Variants in GALNTL6 observed in about 807,000 individuals in gnomAD.
GALNTL6 encodes polypeptide N-acetylgalactosaminyltransferase-like 6.
In GALNTL6, 46 loss-of-function variants were observed where a neutral mutation model predicts 73.7. The ratio of observed to expected loss-of-function variants is 0.62; its 90% CI spans 0.49 to 0.80. The LOEUF (loss-of-function observed/expected upper bound fraction) is 0.80. Among genes scored for constraint, GALNTL6 ranks in the 30% least tolerant of loss-of-function variants. The pLI, the probability that GALNTL6 is intolerant of heterozygous loss-of-function variation, is 0.00. For synonymous variants in GALNTL6, 259 were observed against 263.7 expected (o/e 0.98, Z 0.17); for missense variants, 604 against 755.0 (o/e 0.80, Z 2.34).
intron 5 of GALNTL6, among the ~76,000 whole-genome samples, chr4:172,646,476 T>C (rs948518887): frequency 6.6e-6 from 1 of 152,114 alleles, no homozygotes; most frequent in African/African-American, 2.4e-5. Context: ...ATGTTGTTTT[T>C]ATTTTCTATT....
intron 5 of GALNTL6, among the ~76,000 whole-genome samples, chr4:172,656,652 A>C (rs533973449): frequency 1.3e-5 from 2 of 152,354 alleles, no homozygotes; most frequent in South Asian, 4.1e-4. Flanking sequence ...CTTAGTTCAG[A>C]TGGGCCACTA....
intron 5 of GALNTL6, among the ~76,000 whole-genome samples, chr4:172,553,986 TC>T (rs1427158895): frequency 6.6e-6 from 1 of 151,964 alleles, no homozygotes; most frequent in Non-Finnish European, 1.5e-5. Context: ...TATGATTGGA[TC>T]CCTGCACTCC....
At chr4:171,958,240 C>T (rs185219188) in intron 2 of GALNTL6, among the ~76,000 whole-genome samples, 1 of 152,174 alleles carries the variant, frequency 6.6e-6, no homozygotes, top group African/African-American at 2.4e-5. Flanking sequence ...TGTGTGATAT[C>T]CACAGATATT....
chr4:172,045,950 C>G (rs1313544979), intron 2 of GALNTL6, among the ~76,000 whole-genome samples: 3 of 151,966 alleles, frequency 2.0e-5, no homozygotes, highest in Non-Finnish European at 4.4e-5. Context: ...CTTGTGCTGT[C>G]TGTCTTATTG....
chr4:172,707,609 T>C (rs562923606), intron 5 of GALNTL6, among the ~76,000 whole-genome samples: 2 of 152,318 alleles, frequency 1.3e-5, no homozygotes, highest in South Asian at 4.1e-4. Flanking sequence ...AAAATTATTC[T>C]GCATTTGTTA....
chr4:172,622,318 G>A lies in GALNTL6; in HGVS notation c.554-187043G>A, dbSNP rs545195062. ...GATCTCATTTGATGCCCAACACAAT[G>A]GATAAAAGTAGACCCACTCCAAGAC... is the stretch of plus-strand genomic sequence containing the variant. On this transcript the variant is annotated intron_variant, in intron 5 of 12. Coordinates refer to ENST00000506823, the MANE Select transcript of GALNTL6 (RefSeq NM_001034845.3). 1.0e-3 allele frequency among the ~76,000 whole-genome samples: 156 copies of A among 151,996 alleles called. 1 individual carries two copies. The South Asian group carries it at 0.021, about 20-fold the overall frequency.
In GALNTL6 at chr4:172,674,392, A is replaced by G. The variant is rs150444760; in HGVS notation, c.554-134969A>G. 7.2e-4 allele frequency among the ~76,000 whole-genome samples: 109 copies of G among 152,144 alleles called. 2 individuals carry two copies. In the East Asian group the frequency reaches 0.016, roughly 22 times the overall value. ...CTGACTTTTCTCTCTAGCTTCCTTT[A>G]TCACTTTTTCTTTCATTTTGACCAT... On this transcript the variant is annotated intron_variant, in intron 5 of 12. Transcript: ENST00000506823.
At chr4:172,641,263 A>G (rs749827470) in intron 5 of GALNTL6, among the ~76,000 whole-genome samples, 28 of 152,124 alleles carry the variant, frequency 1.8e-4, no homozygotes, top group Non-Finnish European at 2.8e-4. Context: ...TTTTTAAGAC[A>G]TAAGTCAGAC....
chr4:172,938,171 C>T (rs940893975), intron 9 of GALNTL6, among the ~76,000 whole-genome samples: 4 of 152,142 alleles, frequency 2.6e-5, no homozygotes, highest in African/African-American at 7.2e-5. Flanking sequence ...TCTTTATATA[C>T]TTCCCAAGAT....
At chr4:172,642,250 T>G (rs1740020858) in intron 5 of GALNTL6, among the ~76,000 whole-genome samples, 1 of 151,970 alleles carries the variant, frequency 6.6e-6, no homozygotes, top group African/African-American at 2.4e-5. Flanking sequence ...GAAATGAAAT[T>G]CATGTGTCAA....
At chr4:172,385,256 G>T (rs1386904107) in intron 5 of GALNTL6, among the ~76,000 whole-genome samples, 4 of 151,856 alleles carry the variant, frequency 2.6e-5, no homozygotes, top group African/African-American at 9.7e-5. Context: ...AATATATTCT[G>T]CTATGATTGC....
intron 2 of GALNTL6, among the ~76,000 whole-genome samples, chr4:171,976,521 A>G (rs568179791): frequency 6.6e-6 from 1 of 152,332 alleles, no homozygotes; most frequent in East Asian, 1.9e-4. Flanking sequence ...TGTATGGTGT[A>G]TCCACTGAAT....
At chr4:171,819,238 T>C (rs919759409) in intron 2 of GALNTL6, among the ~76,000 whole-genome samples, 1 of 152,058 alleles carries the variant, frequency 6.6e-6, no homozygotes, top group Non-Finnish European at 1.5e-5. Context: ...TTCTGGAATT[T>C]ATGGAAAATG....
chr4:172,932,143 G>T (rs555929342), intron 9 of GALNTL6, among the ~76,000 whole-genome samples: 2 of 152,216 alleles, frequency 1.3e-5, no homozygotes, highest in South Asian at 4.1e-4. Flanking sequence ...TTTTATATAA[G>T]GCTCACATAA....
chr4:171,931,149 T>A (rs1738171952), intron 2 of GALNTL6, among the ~76,000 whole-genome samples: 1 of 152,194 alleles, frequency 6.6e-6, no homozygotes, highest in South Asian at 2.1e-4. Flanking sequence ...AACTACACCT[T>A]GCCATTTAAC....
chr4:172,828,458 T>C (rs1396152757), intron 7 of GALNTL6, among the ~76,000 whole-genome samples: 1 of 152,056 alleles, frequency 6.6e-6, no homozygotes, highest in African/African-American at 2.4e-5. Context: ...GAAGGACCAT[T>C]TCCATCAAGG....
chr4:172,337,770 G>A (rs537866689), intron 4 of GALNTL6, among the ~76,000 whole-genome samples: 1 of 144,316 alleles, frequency 6.9e-6, no homozygotes, highest in Non-Finnish European at 1.5e-5. Flanking sequence ...ATTTTGTATA[G>A]TATCATACAA....
At chr4:172,147,835 C>A (rs1733966956) in intron 2 of GALNTL6, among the ~76,000 whole-genome samples, 1 of 152,050 alleles carries the variant, frequency 6.6e-6, no homozygotes, top group African/African-American at 2.4e-5. Context: ...AGAAAATAAC[C>A]ATGAAAACAA....
At chr4:172,604,206 T>C (rs916830046) in intron 5 of GALNTL6, among the ~76,000 whole-genome samples, 1 of 152,152 alleles carries the variant, frequency 6.6e-6, no homozygotes, top group Non-Finnish European at 1.5e-5. Context: ...TACATTTCTG[T>C]CAAAATTCCA....
Sources: gnomAD v4.1 joint callset for allele counts (sites outside exome capture counted in the v4.1 genomes callset) on GRCh38, gnomAD v4.1.1 for gene constraint, MANE v1.5 for transcripts, NCBI Gene and HGNC (gene_info 2026-07-23, HGNC 2026-07-21) for gene names.